KIF13A: variants seen among roughly 807,000 people sequenced by gnomAD.
KIF13A encodes kinesin-like protein KIF13A.
KIF13A carries 79 observed loss-of-function variants against 212.2 expected under a neutral mutation model. That is an observed-to-expected ratio of 0.37 (90% confidence interval 0.31 to 0.45). The LOEUF (loss-of-function observed/expected upper bound fraction) is 0.45, where lower values mean the gene tolerates loss of function less well. Among genes scored for constraint, KIF13A ranks in the 20% least tolerant of loss-of-function variants. The pLI, the probability that KIF13A is intolerant of heterozygous loss-of-function variation, is 1.00. For synonymous variants in KIF13A, 789 were observed against 808.6 expected (o/e 0.98, Z 0.41); for missense variants, 1,901 against 2,209.0 (o/e 0.86, Z 2.79).
At position 17,855,632 on chromosome 6, in the gene KIF13A, G is replaced by A. The variant is rs1286064664; in HGVS notation, c.314-15C>T. The A allele has an allele frequency of 1.3e-6, 2 of 1,589,762 alleles. No homozygotes were observed. Among genetic ancestry groups the A allele is most frequent in the African/African-American group, 1.4e-5 (1 of 73,620 alleles). ...TTTTCCCGAACCTGGAGAACAGCAA[G>A]GAAAAAGAAGAACAGGTAGAGGAGG... On this transcript the variant is annotated splice_polypyrimidine_tract_variant and intron_variant, in intron 5 of 38. Coordinates refer to ENST00000259711, the MANE Select transcript of KIF13A (RefSeq NM_022113.6). The surrounding 1 kb of genome is among the most constrained non-coding windows in gnomAD (Gnocchi z 4.1).
chr6:17,845,688 C>G (rs1184311385), intron 9 of KIF13A, among the ~76,000 whole-genome samples: 1 of 152,238 alleles, frequency 6.6e-6, no homozygotes, highest in Admixed American at 6.5e-5. Context: ...CTTCCTCATT[C>G]CACCTTCACT....
Position 17,947,256 on chromosome 6 carries a change from T to C in KIF13A, c.146+39798A>G, listed in dbSNP as rs74468148. On this transcript the variant is annotated intron_variant, in intron 2 of 38. Coordinates refer to ENST00000259711, the MANE Select transcript of KIF13A (RefSeq NM_022113.6). This position sits in a 1 kb window ranked among gnomAD's most constrained non-coding sequence, Gnocchi z 4.6. Reference sequence around the variant, plus strand: ...AAGAGACAAAAAAGTACAAGTTGGGTGGTGATACAAGGTACTTACATTTTT... The same window carrying C: ...AAGAGACAAAAAAGTACAAGTTGGGCGGTGATACAAGGTACTTACATTTTT... Among the ~76,000 whole-genome samples the C allele has an allele frequency of 0.019, 2,941 of 152,140 alleles. 42 individuals carry two copies. Among genetic ancestry groups the C allele is most frequent in the Non-Finnish European group, 0.031 (2,089 of 67,974 alleles).
chr6:17,821,772 A>G, intron 16 of KIF13A: 1 of 1,535,194 alleles, frequency 6.5e-7, no homozygotes, highest in Non-Finnish European at 8.7e-7. Flanking sequence ...TGCCAATGCC[A>G]ATCAGTTAAA....
rs115470569 is a variant in KIF13A at position 17,838,666 on chromosome 6, C to G, written c.831-1083G>C. 1.4e-4 allele frequency among the ~76,000 whole-genome samples: 21 copies of G among 152,108 alleles called. No homozygotes were observed. The East Asian group carries it at 4.1e-3, about 29-fold the overall frequency. On this transcript the variant is annotated intron_variant, in intron 9 of 38. Coordinates refer to ENST00000259711, the MANE Select transcript of KIF13A (RefSeq NM_022113.6). The surrounding 1 kb of genome is among the most constrained non-coding windows in gnomAD (Gnocchi z 4.2). ...TTAAAATAAAAATATATAAAAGAAA[C>G]AAGTCAGACACAGAAAAACAAATAT...
At chr6:17,905,301 A>G (rs368645891) in intron 2 of KIF13A, among the ~76,000 whole-genome samples, 1 of 152,212 alleles carries the variant, frequency 6.6e-6, no homozygotes, top group African/African-American at 2.4e-5. Context: ...AACTCCCACA[A>G]TGCATATTAG....
In KIF13A at chr6:17,815,911, T is replaced by C. The variant is rs1220853597; in HGVS notation, c.2000+1109A>G. Among the ~76,000 whole-genome samples the C allele has an allele frequency of 2.0e-5, 3 of 149,152 alleles. No homozygotes were observed. The East Asian group carries it at 5.9e-4, about 29-fold the overall frequency. ...ATCTTTTCTTTTAGTCAGGTTCTTTTTTTTTTTTTTTTTGAGACAAAGTCT... is the reference window on the plus strand; with the variant it reads ...ATCTTTTCTTTTAGTCAGGTTCTTTCTTTTTTTTTTTTTGAGACAAAGTCT... On this transcript the variant is annotated intron_variant, in intron 17 of 38. Coordinates refer to ENST00000259711, the MANE Select transcript of KIF13A (RefSeq NM_022113.6).
chr6:17,780,555 T>C (rs1287489927), intron 31 of KIF13A, among the ~76,000 whole-genome samples, 175 bp downstream of exon 31: 1 of 152,186 alleles, frequency 6.6e-6, no homozygotes, highest in Admixed American at 6.6e-5. Flanking sequence ...TGGATGACAT[T>C]GACCTCTGCT....
intron 35 of KIF13A, among the ~76,000 whole-genome samples, chr6:17,774,553 C>T (rs917336779): frequency 6.6e-6 from 1 of 152,160 alleles, no homozygotes; most frequent in Non-Finnish European, 1.5e-5. Flanking sequence ...GCGGATCGAT[C>T]ACCTGAGGTC....
rs921572009 is a variant in KIF13A at position 17,831,078 on chromosome 6, T to C, written c.1401+23A>G. 9 of 1,599,726 alleles carry C rather than the reference T, an allele frequency of 5.6e-6. No homozygotes were observed. The African/African-American group carries it at 1.2e-4, about 22-fold the overall frequency. On this transcript the variant is annotated intron_variant, in intron 13 of 38. Transcript: ENST00000259711. ...TGTATAGGAATGAATCTTGATTGCA[T>C]ATGTATTTATATGTTCTCCTACCTT...
In KIF13A at chr6:17,986,954, C is replaced by T. The variant is rs531002968; in HGVS notation, c.146+100G>A. 1,452 of 810,906 alleles carry T rather than the reference C, an allele frequency of 1.8e-3. 2 individuals are homozygous for T. Among genetic ancestry groups the T allele is most frequent in the South Asian group, 3.4e-3 (228 of 66,540 alleles). The allele number at this position is 810,906 out of a possible 1,614,324, so 50.2% of individuals were successfully genotyped here. A position where few individuals can be genotyped will look rare whatever the true frequency, so the allele number is the denominator to read the frequency against. On this transcript the variant is annotated intron_variant, in intron 2 of 38. Transcript: ENST00000259711. ...AGCCGGCGACAAACTTGAAGCCGTC[C>T]TCCTAACAATAGGAAAGAGCACTCC...
In KIF13A at chr6:17,804,509, G is replaced by A; in HGVS notation, c.2306C>T (p.Ala769Val). 1 of 1,592,462 alleles carries A rather than the reference G, an allele frequency of 6.3e-7. No individual in the cohort carries two copies. Among genetic ancestry groups the A allele is most frequent in the Non-Finnish European group, 8.6e-7 (1 of 1,168,300 alleles). Residue 769 changes from alanine (A) to valine (V), a missense_variant and splice_region_variant, in exon 20 of 39, where the codon GCA becomes GTA. Coordinates refer to ENST00000259711, the MANE Select transcript of KIF13A (RefSeq NM_022113.6). ...YQEWKEKVPE[A>V]KRLYGKRGDP... ...ACCTCGTTTTCCGTAGAGTCTCTTTGCCTGAGAAGTAGGAGGGGCCAGTGA... is the reference window on the plus strand; with the variant it reads ...ACCTCGTTTTCCGTAGAGTCTCTTTACCTGAGAAGTAGGAGGGGCCAGTGA...
At chr6:17,941,343 T>C (rs1206657469) in intron 2 of KIF13A, among the ~76,000 whole-genome samples, 2 of 152,166 alleles carry the variant, frequency 1.3e-5, no homozygotes, top group Non-Finnish European at 2.9e-5. Flanking sequence ...TCTCAACCTT[T>C]GGGAGAAGCT....
In KIF13A at chr6:17,872,515, G is replaced by A. The variant is rs1770111095; in HGVS notation, c.220+862C>T. 6.6e-6 allele frequency among the ~76,000 whole-genome samples: 1 copy of A among 152,100 alleles called. No individual in the cohort carries two copies. The highest frequency in any genetic ancestry group is 2.4e-5 in the African/African-American group (1 of 41,386). ...CTTTAAGTGTTCTTACCACAAAAAA[G>A]GATAAGTTCATGAGGTAAAGCATGT... On this transcript the variant is annotated intron_variant, in intron 4 of 38. Coordinates refer to ENST00000259711, the MANE Select transcript of KIF13A (RefSeq NM_022113.6). The surrounding 1 kb of genome is among the most constrained non-coding windows in gnomAD (Gnocchi z 4.7).
Position 17,764,017 on chromosome 6 carries a change from G to T in KIF13A, c.*93C>A. 6.7e-7 allele frequency: 1 copy of T among 1,486,298 alleles called. No individual in the cohort carries two copies. The allele number at this position is 1,486,298 out of a possible 1,614,324, so 92.1% of individuals were successfully genotyped here. ...AGGAAGTGAGCCTGCTTCTCTGTGG[G>T]CTCATCTTTGCTGTCACAAACAACT... On this transcript the variant is annotated 3_prime_UTR_variant, in exon 39 of 39. Coordinates refer to ENST00000259711, the MANE Select transcript of KIF13A (RefSeq NM_022113.6). The surrounding 1 kb of genome is among the most constrained non-coding windows in gnomAD (Gnocchi z 5.1).
intron 2 of KIF13A, among the ~76,000 whole-genome samples, chr6:17,928,354 G>C (rs1775679519): frequency 6.6e-6 from 1 of 152,186 alleles, no homozygotes; most frequent in South Asian, 2.1e-4. Flanking sequence ...TTCCACACCA[G>C]TTGGAATCAG....
In KIF13A at chr6:17,926,967, A is replaced by C. The variant is rs1775548846; in HGVS notation, c.147-28787T>G. ...AGCTGCGCCAACATGGTGAAACCTC[A>C]TCTCTACTAAAAATACAAAAATTAG... On this transcript the variant is annotated intron_variant, in intron 2 of 38. Coordinates refer to ENST00000259711, the MANE Select transcript of KIF13A (RefSeq NM_022113.6). The surrounding 1 kb of genome is among the most constrained non-coding windows in gnomAD (Gnocchi z 4.3). 6.6e-6 allele frequency among the ~76,000 whole-genome samples: 1 copy of C among 151,986 alleles called. No individual in the cohort carries two copies. The highest frequency in any genetic ancestry group is 2.1e-4 in the South Asian group (1 of 4,816).
At chr6:17,952,249 A>G (rs1317837079) in intron 2 of KIF13A, among the ~76,000 whole-genome samples, 1 of 150,306 alleles carries the variant, frequency 6.7e-6, no homozygotes, top group African/African-American at 2.5e-5. Flanking sequence ...GCTTGCCATG[A>G]GCCGAGATAG....
rs1158744919 is a variant in KIF13A, at chr6:17,947,321, CTTT to C, written c.146+39730_146+39732del. 2.6e-5 allele frequency among the ~76,000 whole-genome samples: 4 copies of C among 152,106 alleles called. No homozygotes were observed. In the East Asian group the frequency reaches 5.8e-4, roughly 22 times the overall value. Reference sequence around the variant, plus strand: ...AACCAAATATATAAGTTATATACTTCTTTATTATACATGCAATGAATTTTTTAA... The same window carrying C: ...AACCAAATATATAAGTTATATACTTCATTATACATGCAATGAATTTTTTAA... On this transcript the variant is annotated intron_variant, in intron 2 of 38. Transcript: ENST00000259711. This position sits in a 1 kb window ranked among gnomAD's most constrained non-coding sequence, Gnocchi z 4.6.
chr6:17,823,688 G>C (rs953655225), intron 16 of KIF13A, among the ~76,000 whole-genome samples: 1 of 150,610 alleles, frequency 6.6e-6, no homozygotes, highest in South Asian at 2.1e-4. Context: ...GGCTGGTCTC[G>C]AACTCCCGGC....
Sources: gnomAD v4.1 joint callset for allele counts (sites outside exome capture counted in the v4.1 genomes callset) on GRCh38, gnomAD v4.1.1 for gene constraint, Gnocchi (gnomAD v3.1) non-coding constraint, MANE v1.5 for transcripts, NCBI Gene and HGNC (gene_info 2026-07-23, HGNC 2026-07-21) for gene names.